LCLAT1: variants seen among roughly 807,000 people sequenced by gnomAD.
The protein encoded by LCLAT1 is 1-AGP acyltransferase 8.
In LCLAT1, 11 loss-of-function variants were observed where a neutral mutation model predicts 30.7. The observed-to-expected ratio is 0.36, with a 90% CI of 0.23 to 0.59. LCLAT1 has a LOEUF of 0.59. Among genes scored for constraint, LCLAT1 ranks in the 20% least tolerant of loss-of-function variants. LCLAT1 has a pLI of 0.77. For synonymous variants in LCLAT1, 155 were observed against 151.3 expected (o/e 1.02, Z -0.18); for missense variants, 402 against 458.6 (o/e 0.88, Z 1.13).
At chr2:30,521,135 C>T (rs926248516) in intron 1 of LCLAT1, among the ~76,000 whole-genome samples, 5 of 152,178 alleles carry the variant, frequency 3.3e-5, no homozygotes, top group South Asian at 4.1e-4. Flanking sequence ...CACTGCTACA[C>T]TTCCACCAGC....
At chr2:30,563,126 C>T (rs978660615) in intron 4 of LCLAT1, among the ~76,000 whole-genome samples, 3 of 151,986 alleles carry the variant, frequency 2.0e-5, no homozygotes, top group African/African-American at 7.3e-5. Context: ...TCACTACAGC[C>T]TTGAACTCCT....
In LCLAT1 at chr2:30,618,798, T is replaced by C. The variant is rs148330004; in HGVS notation, c.629-21319T>C. ...ATGAACTTGTATCCTGTAACCTTGC[T>C]AAATCTACTTACCAGTTCTAGTAGT... On this transcript the variant is annotated intron_variant, in intron 5 of 5. Transcript: ENST00000379509. 2.4e-4 allele frequency among the ~76,000 whole-genome samples: 36 copies of C among 152,360 alleles called. No individual in the cohort carries two copies. The East Asian group carries it at 5.8e-3, about 24-fold the overall frequency.
At chr2:30,521,843 A>G (rs1008141476) in intron 1 of LCLAT1, among the ~76,000 whole-genome samples, 1 of 151,988 alleles carries the variant, frequency 6.6e-6, no homozygotes, top group African/African-American at 2.4e-5. Flanking sequence ...TTGTAGTCAA[A>G]CCATCTCCCT....
At chr2:30,579,172 A>G (rs1454662481) in intron 5 of LCLAT1, among the ~76,000 whole-genome samples, 5 of 152,182 alleles carry the variant, frequency 3.3e-5, no homozygotes, top group African/African-American at 1.2e-4. Flanking sequence ...AGGGATGGAC[A>G]TTGGTAAGAA....
intron 5 of LCLAT1, among the ~76,000 whole-genome samples, chr2:30,621,423 A>G (rs1020968757): frequency 3.9e-5 from 6 of 152,122 alleles, no homozygotes; most frequent in South Asian, 2.1e-4. Flanking sequence ...AGGGATGGGG[A>G]AAAAATGGCG....
intron 1 of LCLAT1, among the ~76,000 whole-genome samples, chr2:30,472,977 T>C (rs140419530): frequency 2.0e-5 from 3 of 152,296 alleles, no homozygotes; most frequent in African/African-American, 4.8e-5. Context: ...ATCATAATTA[T>C]GCCTTTCTGT....
chr2:30,517,482 C>G (rs56335872), intron 1 of LCLAT1, among the ~76,000 whole-genome samples: 1 of 152,232 alleles, frequency 6.6e-6, no homozygotes, highest in South Asian at 2.1e-4. Flanking sequence ...CTTACCCCCA[C>G]CTGCAATGCA....
chr2:30,577,143 A>ATATACG (rs1666026112), intron 5 of LCLAT1, among the ~76,000 whole-genome samples: 1 of 151,520 alleles, frequency 6.6e-6, no homozygotes, highest in Non-Finnish European at 1.5e-5. Context: ...ATTTTGTCAC[A>ATATACG]TAGGCTCCCT....
At chr2:30,499,780 A>G (rs759851563) in intron 1 of LCLAT1, among the ~76,000 whole-genome samples, 20 of 152,206 alleles carry the variant, frequency 1.3e-4, no homozygotes, top group Non-Finnish European at 2.8e-4. Flanking sequence ...GCAAGTACCA[A>G]TTGCCTTTCT....
intron 1 of LCLAT1, among the ~76,000 whole-genome samples, chr2:30,498,051 C>T (rs910375550): frequency 1.1e-4 from 17 of 152,066 alleles, no homozygotes; most frequent in African/African-American, 3.4e-4. Context: ...GAGGTGTTAC[C>T]CAGAGTTCTT....
chr2:30,522,309 ATGTTTGCAAG>A, intron 1 of LCLAT1, among the ~76,000 whole-genome samples: 1 of 152,340 alleles, frequency 6.6e-6, no homozygotes, highest in East Asian at 1.9e-4. Flanking sequence ...CCCACCAGCA[ATGTTTGCAAG>A]TTCTGGTTGC....
intron 5 of LCLAT1, among the ~76,000 whole-genome samples, chr2:30,631,896 A>C (rs369462558): frequency 6.6e-6 from 1 of 152,222 alleles, no homozygotes; most frequent in South Asian, 2.1e-4. Flanking sequence ...AGCCTCAGCA[A>C]GTGCATACTG....
intron 5 of LCLAT1, among the ~76,000 whole-genome samples, chr2:30,593,982 TC>T (rs1238694436): frequency 6.6e-6 from 1 of 151,124 alleles, no homozygotes; most frequent in Non-Finnish European, 1.5e-5. Flanking sequence ...TTCCACTGAC[TC>T]CCCAATTCAT....
At chr2:30,604,696 C>G (rs1019888842) in intron 5 of LCLAT1, among the ~76,000 whole-genome samples, 2 of 146,668 alleles carry the variant, frequency 1.4e-5, no homozygotes, top group Non-Finnish European at 3.0e-5. Context: ...AAACATCATT[C>G]GTAGCTCTCA....
intron 5 of LCLAT1, chr2:30,606,320 T>A (rs1316234400): frequency 3.5e-6 from 1 of 285,386 alleles, no homozygotes. Context: ...AGGCATCACA[T>A]TACCTGACTT....
chr2:30,513,230 TTTAGA>T (rs1685022139), intron 1 of LCLAT1, among the ~76,000 whole-genome samples: 1 of 151,894 alleles, frequency 6.6e-6, no homozygotes, highest in Non-Finnish European at 1.5e-5. Context: ...CTAAACTGAG[TTTAGA>T]TTAATTATTA....
intron 1 of LCLAT1, among the ~76,000 whole-genome samples, chr2:30,525,237 T>C (rs1035497832): frequency 6.6e-6 from 1 of 152,128 alleles, no homozygotes; most frequent in African/African-American, 2.4e-5. Flanking sequence ...CTACCGCAGC[T>C]GGCTAAGTTT....
intron 5 of LCLAT1, among the ~76,000 whole-genome samples, chr2:30,635,825 CATT>C (rs1368829942): frequency 3.3e-5 from 5 of 152,174 alleles, no homozygotes; most frequent in Admixed American, 3.3e-4. Context: ...ATCGAGAGAG[CATT>C]ATAATTATCT....
chr2:30,583,240 T>C (rs750105066), intron 5 of LCLAT1, among the ~76,000 whole-genome samples: 1 of 152,184 alleles, frequency 6.6e-6, no homozygotes, highest in Non-Finnish European at 1.5e-5. Context: ...AAACCAGAAG[T>C]TTCTCAGATG....
Sources: allele counts gnomAD v4.1 joint callset (sites outside exome capture counted in the v4.1 genomes callset), GRCh38; gene constraint gnomAD v4.1.1; transcripts MANE v1.5; gene names NCBI Gene and HGNC (gene_info 2026-07-23, HGNC 2026-07-21).